The following ZNF16 variants were observed in gnomAD, a reference collection of about 807,000 sequenced individuals.
ZNF16 encodes zinc finger protein 16.
Under a neutral mutation model 9.0 loss-of-function variants are expected in ZNF16, and 7 were observed. The observed-to-expected ratio is 0.78, with a 90% CI of 0.44 to 1.47. The LOEUF is 1.47. Ranked by LOEUF, ZNF16 falls within the 40% of genes most tolerant of loss-of-function variation. The pLI is 0.01. For synonymous variants in ZNF16, 312 were observed against 301.5 expected (o/e 1.03, Z -0.36); for missense variants, 830 against 854.2 (o/e 0.97, Z 0.35).
Position 144,931,818 on chromosome 8 carries a change from G to A in ZNF16, c.969C>T (p.Cys323=). 1 of 1,614,136 alleles carries A rather than the reference G, an allele frequency of 6.2e-7. No individual in the cohort carries two copies. The highest frequency in any genetic ancestry group is 8.5e-7 in the Non-Finnish European group (1 of 1,180,030). Residue 323 remains cysteine, a synonymous_variant, in exon 3 of 3, where the codon TGC becomes TGT. Coordinates refer to ENST00000394909, the MANE Select transcript of ZNF16 (RefSeq NM_006958.3). ...KSHMSEKPYE[C]NECGKAFRRS... is the part of the protein sequence containing the mutation. The stretch of plus-strand genomic sequence containing the variant: ...GCCTAAAAGCCTTCCCACATTCATT[G>A]CATTCATAGGGCTTCTCACTCATGT...
At chr8:144,946,274 C>T (rs1833925685) in intron 1 of ZNF16, 59 bp from the exon 2 acceptor site, 2 of 1,395,432 alleles carry the variant, frequency 1.4e-6, no homozygotes, top group Non-Finnish European at 1.9e-6. Flanking sequence ...GGGATTCATC[C>T]TCCCATCAGG....
intron 2 of ZNF16, among the ~76,000 whole-genome samples, chr8:144,935,694 T>C (rs1327681306): frequency 6.6e-6 from 1 of 152,240 alleles, no homozygotes; most frequent in Non-Finnish European, 1.5e-5. Context: ...TAAAGACTTT[T>C]ACGATGAGTG....
chr8:144,948,172 G>C (rs1834009120), intron 1 of ZNF16: 1 of 152,330 alleles, frequency 6.6e-6, no homozygotes, highest in East Asian at 1.9e-4. Context: ...AAGGCAAGGA[G>C]ATATGAACAG....
At chr8:144,946,977 T>C (rs1174986094) in intron 1 of ZNF16, among the ~76,000 whole-genome samples, 113 of 89,026 alleles carry the variant, frequency 1.3e-3, no homozygotes, top group East Asian at 8.5e-3. Context: ...GCTGTGGGCC[T>C]GTGTCCTGCT....
chr8:144,931,027 T>A lies in ZNF16; in HGVS notation c.1760A>T (p.Asn587Ile), dbSNP rs1372947600. 1 of 1,614,234 alleles carries A rather than the reference T, an allele frequency of 6.2e-7. No individual in the cohort carries two copies. Among genetic ancestry groups the A allele is most frequent in the East Asian group, 2.2e-5 (1 of 44,886 alleles). ...QCGKAFNRSS[N>I]LIHHQKVHTG... ...ATGAACTTTCTGGTGGTGAATGAGA[T>A]TTGAGCTTCGGTTGAAGGCTTTACC... The change falls in exon 3 of 3, where the codon AAT becomes ATT. Residue 587 changes from asparagine (N) to isoleucine (I), a missense_variant. Coordinates refer to ENST00000394909, the MANE Select transcript of ZNF16 (RefSeq NM_006958.3).
In ZNF16 at chr8:144,931,680, C is replaced by T. The variant is rs555983717; in HGVS notation, c.1107G>A (p.Arg369=). Residue 369 remains arginine (R), a synonymous_variant, in exon 3 of 3, where the codon AGG becomes AGA. Transcript: ENST00000394909. Reference sequence around the variant, plus strand: ...CAAAAGGCTTCTCTCCTGTGTGAGTCCTGTGGTGTTTGATGAGGTTTGAGC... The same window carrying T: ...CAAAAGGCTTCTCTCCTGTGTGAGTTCTGTGGTGTTTGATGAGGTTTGAGC... ...RRSSNLIKHH[R]THTGEKPFEC... 2.0e-5 allele frequency: 32 copies of T among 1,613,556 alleles called. No homozygotes were observed. The South Asian group carries it at 3.0e-4, about 15-fold the overall frequency.
chr8:144,931,341 G>C lies in ZNF16; in HGVS notation c.1446C>G (p.Ile482Met), dbSNP rs904718353. 6.2e-7 allele frequency: 1 copy of C among 1,614,160 alleles called. No individual in the cohort carries two copies. Among genetic ancestry groups the C allele is most frequent in the Non-Finnish European group, 8.5e-7 (1 of 1,180,042 alleles). ...ATCTGTACGGCTTCTCTCCCGTGTG[G>C]ATGATCTGGTGCTTTCGGAGCACTG... ...YSSVLRKHQI[I>M]HTGEKPYRCS... Residue 482 changes from isoleucine (I) to methionine (M), a missense_variant, in exon 3 of 3, where the codon ATC becomes ATG. By Grantham distance (10) the Ile-to-Met change is conservative (BLOSUM62 1). Coordinates refer to ENST00000394909, the MANE Select transcript of ZNF16 (RefSeq NM_006958.3).
Position 144,930,867 on chromosome 8 carries a change from C to T in ZNF16, c.1920G>A (p.Gln640=). 1 of 1,605,680 alleles carries T rather than the reference C, an allele frequency of 6.2e-7. No homozygotes were observed. Among genetic ancestry groups the T allele is most frequent in the South Asian group, 1.1e-5 (1 of 89,450 alleles). ...KCSECGKAFS[Q]RSVLIQHQRI... ...TCTGGTGCTGGATGAGGACCGAACG[C>T]TGACTGAAGGCTTTCCCACACTCAC... The change falls in exon 3 of 3, where the codon CAG becomes CAA. Residue 640 remains glutamine, a synonymous_variant. Transcript: ENST00000394909.
chr8:144,944,127 G>A (rs1338736061), intron 2 of ZNF16: 3 of 149,382 alleles, frequency 2.0e-5, no homozygotes, highest in African/African-American at 7.4e-5. Context: ...CTGGAGTGCA[G>A]TGGTGTGATC....
chr8:144,932,285 G>A lies in ZNF16; in HGVS notation c.502C>T (p.Leu168=). The A allele has an allele frequency of 6.2e-7, 1 of 1,614,170 alleles. No individual in the cohort carries two copies. Among genetic ancestry groups the A allele is most frequent in the Non-Finnish European group, 8.5e-7 (1 of 1,180,038 alleles). Residue 168 remains leucine (L), a synonymous_variant, in exon 3 of 3, where the codon CTG becomes TTG. Transcript: ENST00000394909. This position sits in a 1 kb window ranked among gnomAD's most constrained non-coding sequence, Gnocchi z 5.0. ...FDSRFSLSPN[L]MACQEIPTEE... The stretch of plus-strand genomic sequence containing the variant: ...GTAGGGATTTCCTGACATGCCATCA[G>A]GTTTGGGCTCAGACTGAAGCGACTG...
At chr8:144,942,219 C>G (rs1430986671) in intron 2 of ZNF16, among the ~76,000 whole-genome samples, 2 of 151,070 alleles carry the variant, frequency 1.3e-5, no homozygotes, top group Admixed American at 1.3e-4. Flanking sequence ...ACCTTGTGAT[C>G]TGCCCGCCTC....
In ZNF16 at chr8:144,933,695, T is replaced by G. The variant is rs1333703806; in HGVS notation, c.197-1105A>C. Among the ~76,000 whole-genome samples the G allele has an allele frequency of 1.3e-5, 2 of 152,128 alleles. No individual in the cohort carries two copies. Among genetic ancestry groups the G allele is most frequent in the Non-Finnish European group, 2.9e-5 (2 of 68,010 alleles). On this transcript the variant is annotated intron_variant, in intron 2 of 2. Coordinates refer to ENST00000394909, the MANE Select transcript of ZNF16 (RefSeq NM_006958.3). This position sits in a 1 kb window ranked among gnomAD's most constrained non-coding sequence, Gnocchi z 5.6. ...TCCTCTCAGTGCCTCCTGGCCCTCC[T>G]AGACCCCACCTCTACCTCTGCTCCT...
intron 2 of ZNF16, among the ~76,000 whole-genome samples, chr8:144,934,729 T>C (rs1035963994): frequency 3.3e-5 from 5 of 152,110 alleles, no homozygotes; most frequent in Admixed American, 6.5e-5. Context: ...CAAGGAAGGA[T>C]GAAGAAGGCT....
At chr8:144,946,562 C>CTGCTGTGGGGCCTGTGT (rs1833938667) in intron 1 of ZNF16, among the ~76,000 whole-genome samples, 15 of 128,766 alleles carry the variant, frequency 1.2e-4, no homozygotes, top group African/African-American at 5.0e-4. Flanking sequence ...GGGGCCTGTA[C>CTGCTGTGGGGCCTGTGT]CCTGCTGTGG....
chr8:144,944,022 C>A (rs1448934887), intron 2 of ZNF16: 1 of 149,942 alleles, frequency 6.7e-6, no homozygotes, highest in Non-Finnish European at 1.5e-5. Context: ...TTTGTTCACA[C>A]ATCATTTTCC....
chr8:144,932,398 A>G lies in ZNF16; in HGVS notation c.389T>C (p.Leu130Pro). ...VPEGRRLPQSLSQEGDFTPAA... is the reference protein window; with the variant it reads ...VPEGRRLPQSPSQEGDFTPAA... Reference sequence around the variant, plus strand: ...TGGTGTGAAGTCCCCCTCCTGGGAGAGGGACTGTGGCAGCCTCCTGCCTTC... The same window carrying G: ...TGGTGTGAAGTCCCCCTCCTGGGAGGGGGACTGTGGCAGCCTCCTGCCTTC... The change falls in exon 3 of 3, where the codon CTC becomes CCC. Residue 130 changes from leucine to proline, a missense_variant. Leu to Pro is a moderately conservative substitution (Grantham distance 98, BLOSUM62 -3). Coordinates refer to ENST00000394909, the MANE Select transcript of ZNF16 (RefSeq NM_006958.3). This position sits in a 1 kb window ranked among gnomAD's most constrained non-coding sequence, Gnocchi z 5.0. 2 of 1,614,082 alleles carry G rather than the reference A, an allele frequency of 1.2e-6. No homozygotes were observed. Among genetic ancestry groups the G allele is most frequent in the Non-Finnish European group, 1.7e-6 (2 of 1,179,968 alleles).
chr8:144,946,288 G>T (rs541471085), intron 1 of ZNF16, 73 bp from the exon 2 acceptor site: 2 of 1,352,786 alleles, frequency 1.5e-6, no homozygotes, highest in African/African-American at 2.9e-5. Context: ...CATCAGGCCG[G>T]GGTCTCTTCC....
Position 144,946,624 on chromosome 8 carries a change from GT to G in ZNF16, c.-9-410del, listed in dbSNP as rs1265338268. Reference sequence around the variant, plus strand: ...CCTGCTGTTGGGCTTGTGTCCTGCTGTTGGGCCTGTGTCCTGCTGTTGGGCC... The same window carrying G: ...CCTGCTGTTGGGCTTGTGTCCTGCTGTGGGCCTGTGTCCTGCTGTTGGGCC... On this transcript the variant is annotated intron_variant, in intron 1 of 2. Transcript: ENST00000394909. 2.4e-3 allele frequency among the ~76,000 whole-genome samples: 227 copies of G among 94,170 alleles called. 15 individuals are homozygous for G. The highest frequency in any genetic ancestry group is 4.2e-3 in the African/African-American group (105 of 25,024). 61.8% of individuals were successfully genotyped at this position (94,170 alleles called of 152,430 possible). A position where few individuals can be genotyped will look rare whatever the true frequency, so the allele number is the denominator to read the frequency against.
chr8:144,942,370 C>T (rs1262236255), intron 2 of ZNF16, among the ~76,000 whole-genome samples: 1 of 151,986 alleles, frequency 6.6e-6, no homozygotes, highest in Non-Finnish European at 1.5e-5. Context: ...TGAGTTCAAC[C>T]TCTGCCTCCT....
Sources: allele counts gnomAD v4.1 joint callset (sites outside exome capture counted in the v4.1 genomes callset), GRCh38; gene constraint gnomAD v4.1.1; non-coding constraint Gnocchi (gnomAD v3.1); transcripts MANE v1.5; gene names NCBI Gene and HGNC (gene_info 2026-07-23, HGNC 2026-07-21).